Variants in ARPC2 observed in about 807,000 individuals in gnomAD.
ARPC2 encodes the protein actin-related protein 2/3 complex subunit 2.
A neutral mutation model predicts 38.6 loss-of-function variants in ARPC2; 4 were observed. The ratio of observed to expected loss-of-function variants is 0.10; its 90% CI spans 0.05 to 0.24. The LOEUF (loss-of-function observed/expected upper bound fraction) is 0.24, where lower values mean the gene tolerates loss of function less well. ARPC2 is among the 10% of genes least tolerant of loss of function. The pLI is 1.00. For missense variants in ARPC2, 229 were observed against 387.3 expected (o/e 0.59, Z 3.43); for synonymous variants, 125 against 140.8 (o/e 0.89, Z 0.79).
chr2:218,246,045 C>G (rs971010453), intron 8 of ARPC2, among the ~76,000 whole-genome samples: 1 of 151,842 alleles, frequency 6.6e-6, no homozygotes, highest in African/African-American at 2.4e-5. Flanking sequence ...GAAACTCTGT[C>G]TCTACTAAAA....
Position 218,249,728 on chromosome 2 carries a change from C to G in ARPC2, c.778-93C>G, listed in dbSNP as rs1690135193. 3.2e-6 allele frequency: 4 copies of G among 1,269,654 alleles called. No individual in the cohort carries two copies. In the East Asian group the frequency reaches 9.9e-5, roughly 31 times the overall value. The allele number at this position is 1,269,654 out of a possible 1,614,324, so 78.6% of individuals were successfully genotyped here. On this transcript the variant is annotated intron_variant, in intron 9 of 10. Coordinates refer to ENST00000315717, the MANE Select transcript of ARPC2 (RefSeq NM_152862.3). ...TGGGTCAATCCCAGGGTGTATGTTC[C>G]CAACCGCCCTTGATGACCTCTCTGA...
intron 1 of ARPC2, 70 bp downstream of exon 1, chr2:218,217,324 C>A (rs938932934): frequency 4.3e-6 from 3 of 691,436 alleles, no homozygotes; most frequent in Middle Eastern, 7.8e-4. Flanking sequence ...ACCCTTCCCT[C>A]CACCCCGGCC....
chr2:218,231,505 C>G (rs1689632920), intron 4 of ARPC2, among the ~76,000 whole-genome samples: 1 of 152,190 alleles, frequency 6.6e-6, no homozygotes, highest in South Asian at 2.1e-4. Context: ...AGACTTGTAG[C>G]TCAGAGGTCG....
At chr2:218,251,358 T>G (rs980863846) in intron 10 of ARPC2, among the ~76,000 whole-genome samples, 1 of 152,166 alleles carries the variant, frequency 6.6e-6, no homozygotes, top group African/African-American at 2.4e-5. Context: ...ACTACAGGCG[T>G]GCGCCACTAA....
chr2:218,238,909 A>T, intron 6 of ARPC2, 59 bp downstream of exon 6: 2 of 1,325,268 alleles, frequency 1.5e-6, no homozygotes, highest in Non-Finnish European at 2.1e-6. Context: ...CATGGCACTT[A>T]CTGAAAGAAA....
At chr2:218,246,699 A>G (rs1690040871) in intron 8 of ARPC2, among the ~76,000 whole-genome samples, 1 of 151,758 alleles carries the variant, frequency 6.6e-6, no homozygotes, top group Non-Finnish European at 1.5e-5. Context: ...GGCCAGGCAC[A>G]GTGGCTCACA....
intron 7 of ARPC2, among the ~76,000 whole-genome samples, chr2:218,243,903 A>AT (rs777173525): frequency 7.9e-5 from 12 of 152,248 alleles, no homozygotes; most frequent in Non-Finnish European, 1.8e-4. Flanking sequence ...ACCCCATCTC[A>AT]TTGTGAATAC....
chr2:218,225,502 T>TA, intron 2 of ARPC2, among the ~76,000 whole-genome samples: 1 of 152,380 alleles, frequency 6.6e-6, no homozygotes, highest in South Asian at 2.1e-4. Context: ...TTAAGCATAT[T>TA]AAAACCATTC....
chr2:218,235,030 CAA>C (rs1689735875), intron 5 of ARPC2: 1 of 339,274 alleles, frequency 2.9e-6, no homozygotes, highest in African/African-American at 2.2e-5. Flanking sequence ...AGCAGGACCC[CAA>C]AGTGAGAACC....
intron 2 of ARPC2, among the ~76,000 whole-genome samples, chr2:218,221,846 G>T (rs1689390141): frequency 6.6e-6 from 1 of 152,306 alleles, no homozygotes; most frequent in African/African-American, 2.4e-5. Context: ...TGCTCAAAAA[G>T]AATGATGGGA....
chr2:218,253,868 C>T (rs780245997), intron 10 of ARPC2, 23 bp from the exon 11 acceptor site: 12 of 1,613,344 alleles, frequency 7.4e-6, no homozygotes, highest in Admixed American at 1.7e-5. Context: ...AACTGACCTT[C>T]GCACTTATCT....
At chr2:218,241,639 T>G (rs1017922657) in intron 7 of ARPC2, among the ~76,000 whole-genome samples, 5 of 152,278 alleles carry the variant, frequency 3.3e-5, no homozygotes, top group African/African-American at 7.2e-5. Flanking sequence ...AAACAGATCT[T>G]ATCTTGGAGA....
chr2:218,239,548 A>G, intron 7 of ARPC2, 64 bp downstream of exon 7: 2 of 1,312,934 alleles, frequency 1.5e-6, no homozygotes, highest in Non-Finnish European at 2.2e-6. Flanking sequence ...ACCCAAACAT[A>G]CCATGAGCGT....
At chr2:218,252,959 A>G in intron 10 of ARPC2, 1 of 456,896 alleles carries the variant, frequency 2.2e-6, no homozygotes, top group South Asian at 1.5e-5. Context: ...TCTTTGGCAG[A>G]GTTGGGCCCC....
At chr2:218,253,870 C>T in intron 10 of ARPC2, 21 bp from the exon 11 acceptor site, 2 of 1,613,516 alleles carry the variant, frequency 1.2e-6, no homozygotes, top group African/African-American at 2.7e-5. Context: ...CTGACCTTCG[C>T]ACTTATCTCT....
chr2:218,228,066 A>G (rs140350384), intron 3 of ARPC2, among the ~76,000 whole-genome samples: 88 of 152,284 alleles, frequency 5.8e-4, no homozygotes, highest in African/African-American at 2.0e-3. Context: ...AAATAAATCA[A>G]TGGGAAGGAG....
chr2:218,236,217 C>T (rs887249625), intron 5 of ARPC2: 2 of 152,048 alleles, frequency 1.3e-5, no homozygotes, highest in African/African-American at 4.8e-5. Flanking sequence ...ATATTCTGTT[C>T]ATCATGTTAG....
chr2:218,250,029 A>G (rs1456399813), intron 10 of ARPC2, 108 bp downstream of exon 10: 24 of 947,220 alleles, frequency 2.5e-5, no homozygotes, highest in Non-Finnish European at 2.8e-5. Context: ...CTGGCTACAT[A>G]TGAGGTCAGC....
At chr2:218,219,167 T>A (rs1689327088) in intron 2 of ARPC2, among the ~76,000 whole-genome samples, 1 of 152,226 alleles carries the variant, frequency 6.6e-6, no homozygotes, top group Non-Finnish European at 1.5e-5. Context: ...TAGAGGCATG[T>A]CTTTTAACAT....
Sources: allele counts gnomAD v4.1 joint callset (sites outside exome capture counted in the v4.1 genomes callset), GRCh38; gene constraint gnomAD v4.1.1; transcripts MANE v1.5; gene names NCBI Gene and HGNC (gene_info 2026-07-23, HGNC 2026-07-21).